Variants in ERGIC2 observed in about 807,000 individuals in gnomAD.
ERGIC2 encodes the protein endoplasmic reticulum-Golgi intermediate compartment protein 2.
ERGIC2 carries 31 observed loss-of-function variants against 52.5 expected under a neutral mutation model. The observed-to-expected ratio is 0.59, with a 90% CI of 0.44 to 0.80. The LOEUF is 0.80. Among genes scored for constraint, ERGIC2 ranks in the 30% least tolerant of loss-of-function variants. ERGIC2 has a pLI of 0.00. For missense variants in ERGIC2, 395 were observed against 455.2 expected (o/e 0.87, Z 1.20); for synonymous variants, 129 against 140.6 (o/e 0.92, Z 0.58).
intron 4 of ERGIC2, among the ~76,000 whole-genome samples, chr12:29,367,397 G>A (rs890338922): frequency 6.6e-5 from 10 of 151,560 alleles, no homozygotes; most frequent in African/African-American, 1.7e-4. Flanking sequence ...AATTTTATTC[G>A]GAAAAGGCTA....
At chr12:29,342,083 G>A (rs1449293311) in intron 12 of ERGIC2, among the ~76,000 whole-genome samples, 2 of 152,038 alleles carry the variant, frequency 1.3e-5, no homozygotes, top group Non-Finnish European at 2.9e-5. Flanking sequence ...TGCAATCTTG[G>A]CTCACTGCAA....
intron 5 of ERGIC2, among the ~76,000 whole-genome samples, chr12:29,366,400 G>A (rs1476871449): frequency 1.3e-5 from 2 of 151,970 alleles, no homozygotes; most frequent in Non-Finnish European, 2.9e-5. Context: ...GAGGAAGGAA[G>A]TAGTAATGCC....
At chr12:29,360,954 T>C (rs911749723) in intron 6 of ERGIC2, among the ~76,000 whole-genome samples, 1 of 152,078 alleles carries the variant, frequency 6.6e-6, no homozygotes, top group Non-Finnish European at 1.5e-5. Context: ...TCAGAAAGTT[T>C]ACAAATTTGT....
intron 8 of ERGIC2, 131 bp from the exon 9 acceptor site, chr12:29,350,199 A>G (rs1940112834): frequency 5.1e-6 from 3 of 590,186 alleles, no homozygotes; most frequent in Non-Finnish European, 9.1e-6. Context: ...CATTTGGCCT[A>G]TTGACTGAGC....
rs749472247 is a variant in ERGIC2 at position 29,370,217 on chromosome 12, G to C, written c.112C>G (p.Leu38Val). The C allele has an allele frequency of 1.9e-6, 3 of 1,538,600 alleles. No homozygotes were observed. Among genetic ancestry groups the C allele is most frequent in the Non-Finnish European group, 8.7e-7 (1 of 1,155,028 alleles). ...AAAGCCATAGTTGTAAATGCTATTAGAGAAACTGGGAAATCCAACAACAAA... is the reference window on the plus strand; with the variant it reads ...AAAGCCATAGTTGTAAATGCTATTACAGAAACTGGGAAATCCAACAACAAA... ...ETSASGGTVS[L>V]IAFTTMALLT... Residue 38 changes from leucine to valine, a missense_variant, in exon 3 of 14, where the codon CTA becomes GTA. Physicochemically the swap from Leu to Val is conservative, Grantham distance 32. Transcript: ENST00000360150.
At chr12:29,372,088 C>T (rs1940448849) in intron 1 of ERGIC2, among the ~76,000 whole-genome samples, 1 of 152,090 alleles carries the variant, frequency 6.6e-6, no homozygotes, top group Non-Finnish European at 1.5e-5. Context: ...GCCTGTAATC[C>T]CAGTACTTTG....
chr12:29,346,861 T>C (rs1464805480), intron 10 of ERGIC2, among the ~76,000 whole-genome samples: 3 of 152,146 alleles, frequency 2.0e-5, no homozygotes, highest in African/African-American at 7.2e-5. Flanking sequence ...CTAGAAAAAG[T>C]ATAATTAGAT....
chr12:29,368,167 G>T, intron 4 of ERGIC2, 74 bp downstream of exon 4: 1 of 904,574 alleles, frequency 1.1e-6, no homozygotes, highest in Non-Finnish European at 1.8e-6. Flanking sequence ...TACAACCAGT[G>T]ATTTTTATTT....
chr12:29,376,403 C>T (rs1360186249), intron 1 of ERGIC2, among the ~76,000 whole-genome samples: 1 of 152,080 alleles, frequency 6.6e-6, no homozygotes, highest in East Asian at 1.9e-4. Flanking sequence ...ATATGCTTCT[C>T]CCCCACTCCA....
chr12:29,349,088 C>A lies in ERGIC2; in HGVS notation c.718G>T (p.Ala240Ser). ...INPLDGTEKI[A>S]IDHNQMFQYF... Reference sequence around the variant, plus strand: ...ATTATTAAATACTTACGATCTATAGCAATTTTTTCAGTTCCATCTAAAGGA... The same window carrying A: ...ATTATTAAATACTTACGATCTATAGAAATTTTTTCAGTTCCATCTAAAGGA... Residue 240 changes from alanine (A) to serine (S), a missense_variant, in exon 10 of 14, where the codon GCT becomes TCT. Physicochemically the swap from Ala to Ser is moderately conservative, Grantham distance 99. Coordinates refer to ENST00000360150, the MANE Select transcript of ERGIC2 (RefSeq NM_016570.3). 1 of 1,510,338 alleles carries A rather than the reference C, an allele frequency of 6.6e-7. No individual in the cohort carries two copies. The highest frequency in any genetic ancestry group is 9.0e-7 in the Non-Finnish European group (1 of 1,113,108). The allele number at this position is 1,510,338 out of a possible 1,614,324, so 93.6% of individuals were successfully genotyped here.
At chr12:29,368,520 T>C (rs1440059923) in intron 3 of ERGIC2, among the ~76,000 whole-genome samples, 1 of 151,870 alleles carries the variant, frequency 6.6e-6, no homozygotes, top group Non-Finnish European at 1.5e-5. Context: ...CAGTATCCTT[T>C]AATAATGGCA....
chr12:29,363,171 A>G (rs1383919875), intron 5 of ERGIC2, among the ~76,000 whole-genome samples: 1 of 152,180 alleles, frequency 6.6e-6, no homozygotes. Flanking sequence ...AACAACCAAT[A>G]CACAAATTCA....
chr12:29,348,512 T>C (rs1446488462), intron 10 of ERGIC2, among the ~76,000 whole-genome samples: 1 of 151,992 alleles, frequency 6.6e-6, no homozygotes, highest in Non-Finnish European at 1.5e-5. Flanking sequence ...CATATTTGGA[T>C]AGACTTGATA....
chr12:29,374,789 C>T (rs994245350), intron 1 of ERGIC2, among the ~76,000 whole-genome samples: 1 of 152,146 alleles, frequency 6.6e-6, no homozygotes, highest in African/African-American at 2.4e-5. Flanking sequence ...TTCCTAGTCC[C>T]AACTGCCACA....
In ERGIC2 at chr12:29,340,003, T is replaced by TCTCA. The variant is rs1467824123; in HGVS notation, c.*1149_*1152dup. 7.9e-5 allele frequency: 12 copies of TCTCA among 152,276 alleles called. No individual in the cohort carries two copies. The highest frequency in any genetic ancestry group is 2.9e-4 in the African/African-American group (12 of 41,588). 9.4% of individuals were successfully genotyped at this position (152,276 alleles called of 1,614,324 possible). ...TAATAGTACCTGTGTGATAGCTCCC[T>TCTCA]CTCACTGTTTTTAATCTTTTATAAT... On this transcript the variant is annotated 3_prime_UTR_variant, in exon 14 of 14. Coordinates refer to ENST00000360150, the MANE Select transcript of ERGIC2 (RefSeq NM_016570.3).
intron 1 of ERGIC2, chr12:29,380,756 T>C (rs1282379888): frequency 1.3e-5 from 2 of 152,320 alleles, no homozygotes; most frequent in African/African-American, 2.4e-5. Context: ...ACTCGACCGA[T>C]TGGGATCCTA....
At chr12:29,376,294 A>G (rs1254864592) in intron 1 of ERGIC2, among the ~76,000 whole-genome samples, 3 of 152,182 alleles carry the variant, frequency 2.0e-5, no homozygotes, top group Non-Finnish European at 4.4e-5. Flanking sequence ...TCCAAACCAC[A>G]GTACACACTG....
At chr12:29,355,568 T>C (rs1178797408) in intron 8 of ERGIC2, among the ~76,000 whole-genome samples, 1 of 152,168 alleles carries the variant, frequency 6.6e-6, no homozygotes, top group Non-Finnish European at 1.5e-5. Flanking sequence ...TTTATGACAA[T>C]TTCTGTGCTG....
intron 4 of ERGIC2, 119 bp downstream of exon 4, chr12:29,368,122 G>A: frequency 2.9e-6 from 2 of 681,244 alleles, no homozygotes; most frequent in Middle Eastern, 6.0e-4. Flanking sequence ...TAATACCACA[G>A]TAAAACTTTA....
Sources: gnomAD v4.1 joint callset for allele counts (sites outside exome capture counted in the v4.1 genomes callset) on GRCh38, gnomAD v4.1.1 for gene constraint, MANE v1.5 for transcripts, NCBI Gene and HGNC (gene_info 2026-07-23, HGNC 2026-07-21) for gene names.